ARHGAP26: variants seen among roughly 807,000 people sequenced by gnomAD.
ARHGAP26 encodes the protein rho GTPase-activating protein 26.
Under a neutral mutation model 104.8 loss-of-function variants are expected in ARHGAP26, and 38 were observed. That is an observed-to-expected ratio of 0.36 (90% CI 0.28 to 0.48). The LOEUF (loss-of-function observed/expected upper bound fraction) is 0.48, where lower values mean the gene tolerates loss of function less well. Ranked by LOEUF, ARHGAP26 falls within the 20% of genes least tolerant of loss-of-function variation. The pLI is 0.99. For synonymous variants in ARHGAP26, 341 were observed against 340.0 expected (o/e 1.00, Z -0.03); for missense variants, 704 against 947.9 (o/e 0.74, Z 3.38).
At chr5:143,106,617 CACGTGG>C (rs1794062275) in intron 17 of ARHGAP26, among the ~76,000 whole-genome samples, 2 of 151,850 alleles carry the variant, frequency 1.3e-5, no homozygotes, top group African/African-American at 2.4e-5. Flanking sequence ...GGACTACAGG[CACGTGG>C]CACCACGCCC....
At chr5:142,872,693 G>A (rs1307955687) in intron 1 of ARHGAP26, among the ~76,000 whole-genome samples, 2 of 152,184 alleles carry the variant, frequency 1.3e-5, no homozygotes, top group Non-Finnish European at 1.5e-5. Flanking sequence ...TGGATACTGC[G>A]TGTGGCATGT....
At chr5:143,198,611 G>A (rs756265143) in intron 20 of ARHGAP26, among the ~76,000 whole-genome samples, 39 of 152,098 alleles carry the variant, frequency 2.6e-4, no homozygotes, top group Non-Finnish European at 2.4e-4. Context: ...TTCCAATCTG[G>A]AATTTTTCCC....
intron 20 of ARHGAP26, among the ~76,000 whole-genome samples, chr5:143,200,986 C>T (rs957745165): frequency 3.9e-5 from 6 of 152,244 alleles, no homozygotes; most frequent in African/African-American, 1.4e-4. Flanking sequence ...TATTGCTACA[C>T]ACTGTACTTG....
At chr5:142,854,192 A>G (rs1751981468) in intron 1 of ARHGAP26, among the ~76,000 whole-genome samples, 1 of 152,170 alleles carries the variant, frequency 6.6e-6, no homozygotes, top group South Asian at 2.1e-4. Flanking sequence ...ATATTGGGAG[A>G]ATTCTTAATG....
intron 15 of ARHGAP26, 34 bp downstream of exon 15, chr5:143,054,560 G>C (rs912201028): frequency 6.8e-7 from 1 of 1,471,758 alleles, no homozygotes; most frequent in Admixed American, 1.9e-5. Context: ...CAGAGTGCCA[G>C]CTAGTTATCA....
intron 20 of ARHGAP26, among the ~76,000 whole-genome samples, chr5:143,190,911 T>C (rs932615128): frequency 1.2e-4 from 19 of 152,304 alleles, no homozygotes; most frequent in African/African-American, 4.6e-4. Flanking sequence ...TCAGAAAACA[T>C]GCTAAATGAA....
rs531861487 is a variant in ARHGAP26, at chr5:143,028,747, G to A, written c.1145-8449G>A. 5.3e-5 allele frequency among the ~76,000 whole-genome samples: 8 copies of A among 152,288 alleles called. No homozygotes were observed. The South Asian group carries it at 1.7e-3, about 32-fold the overall frequency. Reference sequence around the variant, plus strand: ...GTAGCTGAGGCAGGGTTCTAATCCAGGTCTGTCTGGCTTTATAGCTCATTC... The same window carrying A: ...GTAGCTGAGGCAGGGTTCTAATCCAAGTCTGTCTGGCTTTATAGCTCATTC... On this transcript the variant is annotated intron_variant, in intron 12 of 22. Transcript: ENST00000645722.
At chr5:143,026,371 A>C (rs1781066522) in intron 12 of ARHGAP26, among the ~76,000 whole-genome samples, 1 of 152,226 alleles carries the variant, frequency 6.6e-6, no homozygotes, top group South Asian at 2.1e-4. Context: ...AGTATTCTGC[A>C]AAAATAAGGG....
chr5:142,771,350 G>C (rs1420664099), intron 1 of ARHGAP26: 1 of 1,231,988 alleles, frequency 8.1e-7, no homozygotes, highest in Non-Finnish European at 1.0e-6. Flanking sequence ...CCCTGCCGAG[G>C]GGGCGCTGCC....
chr5:143,141,367 G>A (rs1798515606), intron 19 of ARHGAP26, among the ~76,000 whole-genome samples: 1 of 152,186 alleles, frequency 6.6e-6, no homozygotes. Flanking sequence ...ATGTCTGTGT[G>A]TGTGTATATG....
intron 20 of ARHGAP26, among the ~76,000 whole-genome samples, chr5:143,181,222 G>A (rs768320143): frequency 9.2e-5 from 14 of 152,138 alleles, no homozygotes; most frequent in Non-Finnish European, 1.6e-4. Context: ...GTCTTTGATG[G>A]CCCCATGGAT....
intron 10 of ARHGAP26, among the ~76,000 whole-genome samples, chr5:142,918,240 G>A (rs139843424): frequency 2.2e-4 from 34 of 152,064 alleles, no homozygotes; most frequent in African/African-American, 7.0e-4. Context: ...TCTGCCTCCC[G>A]GGTTCAAGCG....
intron 1 of ARHGAP26, among the ~76,000 whole-genome samples, chr5:142,870,814 G>A (rs1755174058): frequency 6.6e-6 from 1 of 152,018 alleles, no homozygotes; most frequent in East Asian, 1.9e-4. Flanking sequence ...GGAGCTGTGG[G>A]ATTGGGGTGG....
intron 11 of ARHGAP26, chr5:142,946,612 A>G (rs958895021): frequency 6.6e-6 from 1 of 152,238 alleles, no homozygotes; most frequent in Non-Finnish European, 1.5e-5. Flanking sequence ...CAAATCAAAG[A>G]TGATATTTAA....
At chr5:143,032,922 T>A (rs1329985853) in intron 12 of ARHGAP26, among the ~76,000 whole-genome samples, 1 of 152,216 alleles carries the variant, frequency 6.6e-6, no homozygotes, top group Non-Finnish European at 1.5e-5. Context: ...TTTACACTAG[T>A]TCCAGTTTAG....
At chr5:143,027,538 T>TA (rs150060149) in intron 12 of ARHGAP26, among the ~76,000 whole-genome samples, 28,748 of 151,902 alleles carry the variant, frequency 0.19, 3,201 homozygotes, top group South Asian at 0.33. Flanking sequence ...TTACTGGTTT[T>TA]AAACCAATTC....
At chr5:142,815,504 G>A (rs543158662) in intron 1 of ARHGAP26, among the ~76,000 whole-genome samples, 2 of 152,188 alleles carry the variant, frequency 1.3e-5, no homozygotes, top group Non-Finnish European at 2.9e-5. Context: ...TAAATCTAAG[G>A]TTGGTTAGTT....
intron 17 of ARHGAP26, among the ~76,000 whole-genome samples, chr5:143,120,257 A>T (rs1357656094): frequency 6.6e-6 from 1 of 152,222 alleles, no homozygotes; most frequent in Non-Finnish European, 1.5e-5. Flanking sequence ...TCTTTTGAGT[A>T]GTTGTTTATT....
chr5:143,191,176 T>C (rs1291554274), intron 20 of ARHGAP26, among the ~76,000 whole-genome samples: 1 of 152,240 alleles, frequency 6.6e-6, no homozygotes, highest in Middle Eastern at 3.2e-3. Context: ...AATTTCATGG[T>C]ATATAAATTA....
Sources: allele counts gnomAD v4.1 joint callset (sites outside exome capture counted in the v4.1 genomes callset), GRCh38; gene constraint gnomAD v4.1.1; transcripts MANE v1.5; gene names NCBI Gene and HGNC (gene_info 2026-07-23, HGNC 2026-07-21).